The following NRG1 variants were observed in gnomAD, a reference collection of about 807,000 sequenced individuals.
NRG1 encodes pro-neuregulin-1, membrane-bound isoform.
A neutral mutation model predicts 63.8 loss-of-function variants in NRG1; 18 were observed. That is an observed-to-expected ratio of 0.28 (90% CI 0.19 to 0.42). The LOEUF (loss-of-function observed/expected upper bound fraction) is 0.42. Ranked by LOEUF, NRG1 falls within the 10% of genes least tolerant of loss-of-function variation. The pLI is 1.00. For synonymous variants in NRG1, 302 were observed against 301.3 expected, an observed-to-expected ratio of 1.00 and a Z score of -0.02; for missense variants, 762 against 814.7, an observed-to-expected ratio of 0.94 and a Z score of 0.79.
chr8:32,764,326 G>A lies in NRG1; in HGVS notation c.1838G>A (p.Gly613Asp), dbSNP rs75155858. 6 of 1,613,870 alleles carry A rather than the reference G, an allele frequency of 3.7e-6. No individual in the cohort carries two copies. The South Asian group carries it at 5.5e-5, about 15-fold the overall frequency. The change falls in exon 12 of 12, where the codon GGC becomes GAC. Residue 613 changes from glycine to aspartate, a missense_variant. This residue lies in a region of NRG1 where 503 missense variants were observed against 506.8 expected (regional missense o/e 0.99). Coordinates refer to ENST00000356819, the Ensembl canonical transcript of NRG1. ...GCTGACAGCAGGACTAACCCAGCAGGCCGCTTCTCGACACAGGAAGAAATC... is the reference window on the plus strand; with the variant it reads ...GCTGACAGCAGGACTAACCCAGCAGACCGCTTCTCGACACAGGAAGAAATC...
chr8:31,884,961 T>C (rs1296316616), intron 1 of NRG1, among the ~76,000 whole-genome samples: 3 of 152,122 alleles, frequency 2.0e-5, no homozygotes, highest in African/African-American at 2.4e-5. Flanking sequence ...TTTGTAAAAA[T>C]GCACATCAGT....
chr8:31,871,570 A>G (rs1173700772), intron 1 of NRG1, among the ~76,000 whole-genome samples: 1 of 152,094 alleles, frequency 6.6e-6, no homozygotes, highest in Non-Finnish European at 1.5e-5. Flanking sequence ...GAGTCTGCCC[A>G]TAGGCCATCA....
chr8:32,309,144 C>T (rs945831997), intron 1 of NRG1, among the ~76,000 whole-genome samples: 3 of 152,118 alleles, frequency 2.0e-5, no homozygotes, highest in Admixed American at 6.5e-5. Context: ...GGAAGTCTGA[C>T]CTGTCTCTTC....
intron 1 of NRG1, among the ~76,000 whole-genome samples, chr8:32,455,744 T>G (rs1821515360): frequency 6.6e-6 from 1 of 152,198 alleles, no homozygotes; most frequent in Admixed American, 6.5e-5. Flanking sequence ...CAACATGCTT[T>G]TTTTAAACCT....
intron 2 of NRG1, among the ~76,000 whole-genome samples, chr8:32,600,706 A>G (rs1431284046): frequency 2.0e-5 from 3 of 152,194 alleles, no homozygotes; most frequent in Admixed American, 1.3e-4. Context: ...TCAGGAATAT[A>G]GAATGTAATT....
chr8:32,672,143 C>T (rs573115084), intron 5 of NRG1, among the ~76,000 whole-genome samples: 4 of 152,048 alleles, frequency 2.6e-5, no homozygotes, highest in Non-Finnish European at 5.9e-5. Context: ...CTCCCGGGTT[C>T]CAGCGATTCT....
intron 1 of NRG1, among the ~76,000 whole-genome samples, chr8:31,715,308 A>C (rs2131277764): frequency 6.6e-6 from 1 of 152,270 alleles, no homozygotes; most frequent in Admixed American, 6.5e-5. Context: ...TCAGAGATTG[A>C]CTAATGCTTA....
At chr8:32,281,927 A>G (rs993982706) in intron 1 of NRG1, among the ~76,000 whole-genome samples, 1 of 152,266 alleles carries the variant, frequency 6.6e-6, no homozygotes, top group Non-Finnish European at 1.5e-5. Flanking sequence ...TGTTTAACTC[A>G]TCAATTTCAG....
At chr8:32,754,372 A>AGGCGGAGGAGCTGTACAG in exon 8 of NRG1, 2 of 1,613,542 alleles carry the variant, frequency 1.2e-6, no homozygotes, top group South Asian at 2.2e-5. Context: ...CCCTTTCCAG[A>AGGCGGAGGAGCTGTACAG]GGCGGAGGAG....
intron 1 of NRG1, among the ~76,000 whole-genome samples, chr8:31,676,076 A>T (rs1237484772): frequency 6.6e-6 from 1 of 152,090 alleles, no homozygotes; most frequent in Admixed American, 6.6e-5. Flanking sequence ...TTCCATCTCA[A>T]GCTTCCATTT....
intron 1 of NRG1, among the ~76,000 whole-genome samples, chr8:32,207,312 T>A (rs967335522): frequency 2.0e-5 from 3 of 152,146 alleles, no homozygotes; most frequent in African/African-American, 7.2e-5. Flanking sequence ...GTAATGCAGT[T>A]TCTGCCATTT....
At chr8:32,088,598 A>G (rs537344242) in intron 1 of NRG1, among the ~76,000 whole-genome samples, 1 of 151,212 alleles carries the variant, frequency 6.6e-6, no homozygotes, top group South Asian at 2.1e-4. Flanking sequence ...GCTCATTGCA[A>G]CCTCCGCCTC....
intron 1 of NRG1, among the ~76,000 whole-genome samples, chr8:31,849,990 T>C (rs1193591952): frequency 1.3e-5 from 2 of 152,074 alleles, no homozygotes; most frequent in Non-Finnish European, 2.9e-5. Context: ...AATATAGAAG[T>C]GTTCAAAATT....
chr8:32,567,031 C>T (rs538493891), intron 1 of NRG1, among the ~76,000 whole-genome samples: 21 of 152,156 alleles, frequency 1.4e-4, no homozygotes, highest in African/African-American at 4.3e-4. Flanking sequence ...TTCGTAGAGA[C>T]GGGGTTTCAC....
chr8:32,701,825 G>A (rs988683858), intron 5 of NRG1, among the ~76,000 whole-genome samples: 1 of 152,086 alleles, frequency 6.6e-6, no homozygotes, highest in Non-Finnish European at 1.5e-5. Context: ...AAAAGAAAAC[G>A]TGAAACCTTG....
chr8:31,897,730 GCTGT>G (rs2129614828), intron 1 of NRG1, among the ~76,000 whole-genome samples: 1 of 152,038 alleles, frequency 6.6e-6, no homozygotes, highest in Admixed American at 6.6e-5. Context: ...AATCTTTGAA[GCTGT>G]CCGGGCATAG....
chr8:32,637,743 T>C (rs1044769424), intron 5 of NRG1, among the ~76,000 whole-genome samples: 2 of 152,208 alleles, frequency 1.3e-5, no homozygotes, highest in Admixed American at 6.5e-5. Context: ...TAGCGTCTAA[T>C]CTCCAGCCTG....
At chr8:32,307,160 G>C (rs1225922468) in intron 1 of NRG1, among the ~76,000 whole-genome samples, 7 of 152,074 alleles carry the variant, frequency 4.6e-5, no homozygotes, top group Admixed American at 4.6e-4. Flanking sequence ...ATGGCAAAAG[G>C]AAACCACTCT....
intron 1 of NRG1, among the ~76,000 whole-genome samples, chr8:31,707,856 T>C (rs879500845): frequency 3.9e-5 from 6 of 152,324 alleles, no homozygotes; most frequent in Admixed American, 3.9e-4. Context: ...GCTTCTGTAG[T>C]AAATAATTCC....
Sources: allele counts gnomAD v4.1 joint callset (sites outside exome capture counted in the v4.1 genomes callset), GRCh38; gene constraint gnomAD v4.1.1; regional missense constraint gnomAD v4.1.1; transcripts MANE v1.5; gene names NCBI Gene and HGNC (gene_info 2026-07-23, HGNC 2026-07-21).